Variants in ATXN10 observed in about 807,000 individuals in gnomAD.
ATXN10 encodes the protein ataxin-10.
In ATXN10, 28 loss-of-function variants were observed where a neutral mutation model predicts 52.9. The observed-to-expected ratio is 0.53, with a 90% CI of 0.39 to 0.73. The LOEUF (loss-of-function observed/expected upper bound fraction) is 0.73, where lower values mean the gene tolerates loss of function less well. Ranked by LOEUF, ATXN10 falls within the 30% of genes least tolerant of loss-of-function variation. ATXN10 has a pLI of 0.00. For missense variants in ATXN10, 565 were observed against 577.0 expected (o/e 0.98, Z 0.21); for synonymous variants, 226 against 221.5 (o/e 1.02, Z -0.18).
rs1926582403 is a variant in ATXN10 at position 45,766,409 on chromosome 22, T to G, written c.1173+25871T>G. ...GGTGGAACAGTTTCATCCTGAAGTC[T>G]TCCCCGCAACCCCTCTTCCCCCGAG... On this transcript the variant is annotated intron_variant, in intron 9 of 11. Coordinates refer to ENST00000252934, the MANE Select transcript of ATXN10 (RefSeq NM_013236.4). The surrounding 1 kb of genome is among the most constrained non-coding windows in gnomAD (Gnocchi z 4.6). 6.6e-6 allele frequency among the ~76,000 whole-genome samples: 1 copy of G among 152,158 alleles called. No homozygotes were observed.
intron 1 of ATXN10, among the ~76,000 whole-genome samples, chr22:45,686,755 G>T (rs185768354): frequency 1.4e-3 from 209 of 151,722 alleles, no homozygotes; most frequent in African/African-American, 5.0e-3. Flanking sequence ...GGAGGTGGAG[G>T]TTGCAGTGAG....
chr22:45,735,281 T>C (rs1019289193), intron 7 of ATXN10, among the ~76,000 whole-genome samples: 2 of 152,116 alleles, frequency 1.3e-5, no homozygotes, highest in African/African-American at 4.8e-5. Context: ...TGAATAATCT[T>C]ATCCTTTCCA....
At chr22:45,804,333 CTAG>C (rs369874921) in intron 9 of ATXN10, among the ~76,000 whole-genome samples, 1 of 152,192 alleles carries the variant, frequency 6.6e-6, no homozygotes, top group African/African-American at 2.4e-5. Context: ...ATCTGATTGC[CTAG>C]TATATGCCAG....
chr22:45,719,571 A>G (rs968852803), intron 6 of ATXN10, among the ~76,000 whole-genome samples: 15 of 150,238 alleles, frequency 1.0e-4, no homozygotes, highest in African/African-American at 3.5e-4. Context: ...TTTTTTTTGC[A>G]GTAAGGAACA....
chr22:45,672,145 G>A lies in ATXN10; in HGVS notation c.82G>A (p.Ala28Thr), dbSNP rs1922472699. The A allele has an allele frequency of 6.5e-7, 1 of 1,539,520 alleles. No homozygotes were observed. Among genetic ancestry groups the A allele is most frequent in the Non-Finnish European group, 8.7e-7 (1 of 1,145,190 alleles). ...APIQDLEALRALTALFKEQRN... is the reference protein window; with the variant it reads ...APIQDLEALRTLTALFKEQRN... ...CATCCAAGACCTGGAGGCCCTGCGC[G>A]CGCTCACGGCGCTCTTCAAAGAGCA... is the stretch of plus-strand genomic sequence containing the variant. Residue 28 changes from alanine to threonine, a missense_variant, in exon 1 of 12, where the codon GCG (alanine) becomes ACG (threonine). Ala to Thr is a moderately conservative substitution (Grantham distance 58). Coordinates refer to ENST00000252934, the MANE Select transcript of ATXN10 (RefSeq NM_013236.4).
chr22:45,789,359 C>T lies in ATXN10; in HGVS notation c.1174-17600C>T, dbSNP rs920894022. On this transcript the variant is annotated intron_variant, in intron 9 of 11. Transcript: ENST00000252934. The surrounding 1 kb of genome is among the most constrained non-coding windows in gnomAD (Gnocchi z 4.0). ...GTGGAAGGTGAGCTTTTGCTTCTCA[C>T]GCGCATATATTTTTTTTCCGCAAAT... Among the ~76,000 whole-genome samples, 13 of 152,132 alleles carry T rather than the reference C, an allele frequency of 8.5e-5. No individual in the cohort carries two copies. The highest frequency in any genetic ancestry group is 3.9e-4 in the Admixed American group (6 of 15,266).
rs572972587 is a variant in ATXN10, at chr22:45,840,675, G to A, written c.1238-2316G>A. 2.0e-5 allele frequency among the ~76,000 whole-genome samples: 3 copies of A among 152,156 alleles called. No homozygotes were observed. The highest frequency in any genetic ancestry group is 2.9e-5 in the Non-Finnish European group (2 of 68,020). On this transcript the variant is annotated intron_variant, in intron 10 of 11. Transcript: ENST00000252934. This position sits in a 1 kb window ranked among gnomAD's most constrained non-coding sequence, Gnocchi z 5.8. ...TCCCTTTCCTCCAGAGACATCCTGC[G>A]TTTGCTGCTGGCAGTGACGGTGCTG...
intron 9 of ATXN10, among the ~76,000 whole-genome samples, chr22:45,745,096 TTC>T (rs932955029): frequency 1.3e-5 from 2 of 152,214 alleles, no homozygotes; most frequent in Non-Finnish European, 2.9e-5. Context: ...TAAATGGAGA[TTC>T]TGTTTTGGTT....
intron 7 of ATXN10, among the ~76,000 whole-genome samples, chr22:45,730,468 C>G (rs1232519285): frequency 6.6e-6 from 1 of 152,092 alleles, no homozygotes; most frequent in East Asian, 1.9e-4. Context: ...AAGCCTTGCT[C>G]TGTCGCCCAA....
At chr22:45,695,037 TTTG>T (rs1923547447) in intron 3 of ATXN10, among the ~76,000 whole-genome samples, 1 of 150,914 alleles carries the variant, frequency 6.6e-6, no homozygotes, top group Admixed American at 6.6e-5. Context: ...TAGGTTAAAT[TTTG>T]TTGTTGTTGG....
chr22:45,751,220 C>T (rs901249285), intron 9 of ATXN10, among the ~76,000 whole-genome samples: 1 of 152,190 alleles, frequency 6.6e-6, no homozygotes, highest in Non-Finnish European at 1.5e-5. Context: ...TGTGAGCCAC[C>T]ATGCCCAGCC....
rs1442907455 is a variant in ATXN10, at chr22:45,718,246, A to G, written c.648-167A>G. ...GGATTTTTTTTCCTTTTAGCTGCTG[A>G]TAGATTAATAGTATGTGAACCTTTT... On this transcript the variant is annotated intron_variant, in intron 5 of 11. Transcript: ENST00000252934. The surrounding 1 kb of genome is among the most constrained non-coding windows in gnomAD (Gnocchi z 4.4). 6.6e-6 allele frequency among the ~76,000 whole-genome samples: 1 copy of G among 152,164 alleles called. No homozygotes were observed. The highest frequency in any genetic ancestry group is 1.5e-5 in the Non-Finnish European group (1 of 68,030).
At chr22:45,802,842 T>A (rs911822607) in intron 9 of ATXN10, among the ~76,000 whole-genome samples, 1 of 152,210 alleles carries the variant, frequency 6.6e-6, no homozygotes, top group African/African-American at 2.4e-5. Flanking sequence ...AAGTGAGGTG[T>A]TTTCCATGCA....
intron 1 of ATXN10, chr22:45,673,818 C>T (rs569367332): frequency 6.6e-6 from 1 of 152,242 alleles, no homozygotes; most frequent in East Asian, 1.9e-4. Context: ...GGAACAGTGT[C>T]TGCAAAGGGG....
rs1924019676 is a variant in ATXN10, at chr22:45,705,856, T to C, written c.647+3009T>C. On this transcript the variant is annotated intron_variant, in intron 5 of 11. Transcript: ENST00000252934. This position sits in a 1 kb window ranked among gnomAD's most constrained non-coding sequence, Gnocchi z 5.2. ...GTCCTCCAGCCCCCGACCTGTGGACTGGTACCTGTCCATGGCCTGTTAGGA... is the reference window on the plus strand; with the variant it reads ...GTCCTCCAGCCCCCGACCTGTGGACCGGTACCTGTCCATGGCCTGTTAGGA... Among the ~76,000 whole-genome samples the C allele has an allele frequency of 6.6e-6, 1 of 152,160 alleles. No individual in the cohort carries two copies. The highest frequency in any genetic ancestry group is 2.4e-5 in the African/African-American group (1 of 41,438).
rs547748388 is a variant in ATXN10 at position 45,783,250 on chromosome 22, G to C, written c.1174-23709G>C. On this transcript the variant is annotated intron_variant, in intron 9 of 11. Transcript: ENST00000252934. This position sits in a 1 kb window ranked among gnomAD's most constrained non-coding sequence, Gnocchi z 5.0. ...TAAATAGTGTGGGTGTGCTGGACAA[G>C]GGAGGATTCAAGCCCTGGGAGGGAT... Among the ~76,000 whole-genome samples, 1 of 152,336 alleles carries C rather than the reference G, an allele frequency of 6.6e-6. No individual in the cohort carries two copies. The highest frequency in any genetic ancestry group is 2.1e-4 in the South Asian group (1 of 4,830).
chr22:45,689,975 G>C (rs1032298474), intron 2 of ATXN10, 72 bp downstream of exon 2: 1 of 1,537,874 alleles, frequency 6.5e-7, no homozygotes, highest in Admixed American at 1.7e-5. Context: ...TGGTTTATCT[G>C]TTAGAAGTTG....
intron 9 of ATXN10, chr22:45,792,857 G>A (rs951892738): frequency 3.5e-5 from 18 of 511,174 alleles, no homozygotes; most frequent in Non-Finnish European, 5.6e-5. Flanking sequence ...AAAAACCTTC[G>A]ACATTTTTAC....
chr22:45,823,292 CTTCT>C lies in ATXN10; in HGVS notation c.1237+16271_1237+16274del, dbSNP rs1928713920. 1 of 446,958 alleles carries C rather than the reference CTTCT, an allele frequency of 2.2e-6. No individual in the cohort carries two copies. The highest frequency in any genetic ancestry group is 4.6e-6 in the Non-Finnish European group (1 of 216,972). 27.7% of individuals were successfully genotyped at this position (446,958 alleles called of 1,614,324 possible). ...TTAATGTAAAATTTATCAGTCTTTC[CTTCT>C]ATGTTTAGTGATTTTTGTGTCTCTG... On this transcript the variant is annotated intron_variant, in intron 10 of 11. Transcript: ENST00000252934. The surrounding 1 kb of genome is among the most constrained non-coding windows in gnomAD (Gnocchi z 4.9).
Sources: gnomAD v4.1 joint callset for allele counts (sites outside exome capture counted in the v4.1 genomes callset) on GRCh38, gnomAD v4.1.1 for gene constraint, Gnocchi (gnomAD v3.1) non-coding constraint, MANE v1.5 for transcripts, NCBI Gene and HGNC (gene_info 2026-07-23, HGNC 2026-07-21) for gene names.